Variants in MFHAS1 observed in about 807,000 individuals in gnomAD.
MFHAS1 encodes multifunctional ROCO family signaling regulator 1.
Under a neutral mutation model 70.4 loss-of-function variants are expected in MFHAS1, and 50 were observed. The ratio of observed to expected loss-of-function variants is 0.71; its 90% CI spans 0.57 to 0.90. The LOEUF (loss-of-function observed/expected upper bound fraction) is 0.90. Among genes scored for constraint, MFHAS1 ranks in the 40% least tolerant of loss-of-function variants. The pLI is 0.00. For missense variants in MFHAS1, 1,795 were observed against 1,347.6 expected (o/e 1.33, Z -5.20); for synonymous variants, 952 against 620.0 (o/e 1.54, Z -7.96).
intron 1 of MFHAS1, among the ~76,000 whole-genome samples, chr8:8,810,152 A>C (rs769049534): frequency 1.3e-5 from 2 of 152,214 alleles, no homozygotes; most frequent in Admixed American, 6.5e-5. Flanking sequence ...AGATTGCTTG[A>C]GACCAGAAGT....
chr8:8,785,770 C>G lies in MFHAS1; in HGVS notation c.*252G>C. ...TTTTTTTTTTCTTTTCTTCAAGTAG[C>G]GCGCTCCTTGGAGGATCACAGTTCT... On this transcript the variant is annotated 3_prime_UTR_variant, in exon 3 of 3. Coordinates refer to ENST00000276282, the MANE Select transcript of MFHAS1 (RefSeq NM_004225.3). The G allele has an allele frequency of 2.5e-6, 1 of 402,778 alleles. No homozygotes were observed. The highest frequency in any genetic ancestry group is 4.4e-6 in the Non-Finnish European group (1 of 226,194). 25.0% of individuals were successfully genotyped at this position (402,778 alleles called of 1,614,324 possible).
At chr8:8,831,304 C>T (rs1807378464) in intron 1 of MFHAS1, among the ~76,000 whole-genome samples, 1 of 152,016 alleles carries the variant, frequency 6.6e-6, no homozygotes, top group Non-Finnish European at 1.5e-5. Context: ...AAATCAGTCC[C>T]AAGCAATGCC....
At position 8,854,085 on chromosome 8, in the gene MFHAS1, A is replaced by T. The variant is rs114235040; in HGVS notation, c.2998+35976T>A. Among the ~76,000 whole-genome samples the T allele has an allele frequency of 3.2e-3, 494 of 152,308 alleles. 3 individuals are homozygous for T. Among genetic ancestry groups the T allele is most frequent in the African/African-American group, 0.01 (425 of 41,566 alleles). ...CTTTGTAAGTCATGGGCATTGTATA[A>T]GGTTGCCCAATTTACAAAACAAAAA... On this transcript the variant is annotated intron_variant, in intron 1 of 2. Coordinates refer to ENST00000276282, the MANE Select transcript of MFHAS1 (RefSeq NM_004225.3).
intron 1 of MFHAS1, among the ~76,000 whole-genome samples, chr8:8,824,761 G>A (rs1212232926): frequency 6.6e-6 from 1 of 152,174 alleles, no homozygotes; most frequent in Non-Finnish European, 1.5e-5. Context: ...GTGAGACAGG[G>A]TATCCATCAA....
At chr8:8,880,746 G>GCGTTTTGTCGCC (rs1563218332) in intron 1 of MFHAS1, among the ~76,000 whole-genome samples, 1 of 150,716 alleles carries the variant, frequency 6.6e-6, no homozygotes. Context: ...GTATAGCGGC[G>GCGTTTTGTCGCC]CAATCTCAGC....
intron 1 of MFHAS1, among the ~76,000 whole-genome samples, chr8:8,889,037 A>G (rs1809882983): frequency 1.3e-5 from 2 of 151,690 alleles, no homozygotes; most frequent in African/African-American, 4.8e-5. Context: ...CTTCAAAAAA[A>G]AAAAAAACAA....
intron 1 of MFHAS1, among the ~76,000 whole-genome samples, chr8:8,860,459 T>G (rs949246343): frequency 2.0e-5 from 3 of 152,224 alleles, no homozygotes; most frequent in African/African-American, 7.2e-5. Context: ...TTTGCTGGCA[T>G]GCATCTCTAC....
intron 1 of MFHAS1, among the ~76,000 whole-genome samples, chr8:8,878,151 G>A (rs1198252745): frequency 2.0e-5 from 3 of 152,104 alleles, no homozygotes; most frequent in Non-Finnish European, 4.4e-5. Flanking sequence ...ACCTCTGCAC[G>A]GGCAGCTCCT....
At chr8:8,869,231 G>A (rs894887214) in intron 1 of MFHAS1, among the ~76,000 whole-genome samples, 4 of 152,256 alleles carry the variant, frequency 2.6e-5, no homozygotes, top group African/African-American at 9.6e-5. Flanking sequence ...GCACAGAACA[G>A]GATAGCAAAA....
chr8:8,837,480 A>G (rs1807640931), intron 1 of MFHAS1, among the ~76,000 whole-genome samples: 1 of 152,130 alleles, frequency 6.6e-6, no homozygotes, highest in Non-Finnish European at 1.5e-5. Flanking sequence ...TGTCTTTACT[A>G]AAAATACAAA....
At chr8:8,877,477 T>A (rs1039268008) in intron 1 of MFHAS1, among the ~76,000 whole-genome samples, 4 of 151,904 alleles carry the variant, frequency 2.6e-5, no homozygotes, top group African/African-American at 7.3e-5. Flanking sequence ...TATTGCAGGG[T>A]CTATTAGGGT....
chr8:8,849,064 CTTTTTTTTTTTTTTTTTTTT>C (rs145250762), intron 1 of MFHAS1, among the ~76,000 whole-genome samples: 5 of 75,772 alleles, frequency 6.6e-5, no homozygotes, highest in Non-Finnish European at 1.2e-4. Flanking sequence ...TCCTTTTTAC[CTTTTTTTTTTTTTTTTTTTT>C]TTTTTTTTTT....
rs1240413734 is a variant in MFHAS1 at position 8,785,335 on chromosome 8, G to C, written c.*687C>G. 2 of 151,814 alleles carry C rather than the reference G, an allele frequency of 1.3e-5. No individual in the cohort carries two copies. The highest frequency in any genetic ancestry group is 2.1e-4 in the South Asian group (1 of 4,810). The allele number at this position is 151,814 out of a possible 1,614,324, so 9.4% of individuals were successfully genotyped here. On this transcript the variant is annotated 3_prime_UTR_variant, in exon 3 of 3. Coordinates refer to ENST00000276282, the MANE Select transcript of MFHAS1 (RefSeq NM_004225.3). ...TAAATGCACATTTAAGGTTCTTTCT[G>C]ATTATTGGCAATCTCTATGAACCAA...
chr8:8,873,339 G>C (rs1022110683), intron 1 of MFHAS1, among the ~76,000 whole-genome samples: 1 of 152,052 alleles, frequency 6.6e-6, no homozygotes, highest in African/African-American at 2.4e-5. Context: ...GGATTTTAAA[G>C]ACCAAACACT....
At chr8:8,869,795 G>C (rs1448858099) in intron 1 of MFHAS1, among the ~76,000 whole-genome samples, 1 of 152,134 alleles carries the variant, frequency 6.6e-6, no homozygotes, top group Non-Finnish European at 1.5e-5. Context: ...GAGGAAACCG[G>C]AGCCTGGGAA....
chr8:8,805,914 T>C (rs1398976150), intron 1 of MFHAS1, among the ~76,000 whole-genome samples: 1 of 152,070 alleles, frequency 6.6e-6, no homozygotes, highest in Non-Finnish European at 1.5e-5. Context: ...GCCAGACTGG[T>C]CTCTAACTCC....
At chr8:8,878,900 A>C (rs1158780785) in intron 1 of MFHAS1, among the ~76,000 whole-genome samples, 2 of 152,210 alleles carry the variant, frequency 1.3e-5, no homozygotes, top group Non-Finnish European at 1.5e-5. Context: ...ATCTCTCAGC[A>C]AAGAAATCCA....
chr8:8,805,106 A>C (rs1238620025), intron 1 of MFHAS1, among the ~76,000 whole-genome samples: 2 of 152,212 alleles, frequency 1.3e-5, no homozygotes, highest in East Asian at 3.8e-4. Flanking sequence ...GCCTCAGATC[A>C]CAACGGCCCT....
chr8:8,823,723 G>A (rs1244914370), intron 1 of MFHAS1, among the ~76,000 whole-genome samples: 1 of 149,418 alleles, frequency 6.7e-6, no homozygotes, highest in East Asian at 2.0e-4. Flanking sequence ...TGAACCCACA[G>A]GTCACCGAGA....
Sources: allele counts gnomAD v4.1 joint callset (sites outside exome capture counted in the v4.1 genomes callset), GRCh38; gene constraint gnomAD v4.1.1; transcripts MANE v1.5; gene names NCBI Gene and HGNC (gene_info 2026-07-23, HGNC 2026-07-21).